The following ELMOD3 variants were observed in gnomAD, a reference collection of about 807,000 sequenced individuals.
ELMOD3 encodes ELMO domain containing 3, also known as ELMO domain-containing protein 3.
In ELMOD3, 36 loss-of-function variants were observed where a neutral mutation model predicts 47.4. That is an observed-to-expected ratio of 0.76 (90% CI 0.58 to 1.00). ELMOD3 has a LOEUF of 1.00. Ranked by LOEUF, ELMOD3 falls within the 50% of genes least tolerant of loss-of-function variation. The pLI, the probability that ELMOD3 is intolerant of heterozygous loss-of-function variation, is 0.00. For synonymous variants in ELMOD3, 149 were observed against 183.5 expected, an observed-to-expected ratio of 0.81 and a Z score of 1.52; for missense variants, 404 against 463.8, an observed-to-expected ratio of 0.87 and a Z score of 1.18.
chr2:85,387,034 A>G lies in ELMOD3; in HGVS notation c.739-2717A>G. On this transcript the variant is annotated intron_variant, in intron 11 of 13. Transcript: ENST00000409013. Reference sequence around the variant, plus strand: ...AGAATGTTCCTGAGAATGGATGAACACTAAGTTCAGGTCCTCTGTTAATAA... The same window carrying G: ...AGAATGTTCCTGAGAATGGATGAACGCTAAGTTCAGGTCCTCTGTTAATAA... The G allele has an allele frequency of 3.1e-6, 4 of 1,270,054 alleles. No homozygotes were observed. The South Asian group carries it at 5.3e-5, about 17-fold the overall frequency. The allele number at this position is 1,270,054 out of a possible 1,614,324, so 78.7% of individuals were successfully genotyped here.
chr2:85,366,219 C>T (rs537230140), intron 6 of ELMOD3, among the ~76,000 whole-genome samples: 49 of 151,698 alleles, frequency 3.2e-4, no homozygotes, highest in Non-Finnish European at 6.5e-4. Context: ...GATCCACCCA[C>T]CTCAGCGTCC....
intron 4 of ELMOD3, 82 bp from the exon 5 acceptor site, chr2:85,362,100 TAAAA>T: frequency 1.3e-6 from 1 of 768,806 alleles, no homozygotes; most frequent in South Asian, 1.7e-5. Context: ...ACTTAAAAGT[TAAAA>T]AAAAAAAAAG....
Position 85,362,173 on chromosome 2 carries a change from G to A in ELMOD3, c.55-13G>A. 2 of 1,498,702 alleles carry A rather than the reference G, an allele frequency of 1.3e-6. No homozygotes were observed. The highest frequency in any genetic ancestry group is 1.9e-6 in the Non-Finnish European group (2 of 1,074,798). The allele number at this position is 1,498,702 out of a possible 1,614,324, so 92.8% of individuals were successfully genotyped here. On this transcript the variant is annotated splice_polypyrimidine_tract_variant and intron_variant, in intron 4 of 13. Coordinates refer to ENST00000409013, the MANE Select transcript of ELMOD3 (RefSeq NM_001135022.2). ...ATATGTGCCTAGGAGATTGACCCTT[G>A]TCTGTTTTACAGGGTGAAAGATTGT...
In ELMOD3 at chr2:85,357,021, T is replaced by C. The variant is rs1404363068; in HGVS notation, c.-178T>C. 7.6e-6 allele frequency: 4 copies of C among 525,618 alleles called. No homozygotes were observed. In the Admixed American group the frequency reaches 1.1e-4, roughly 15 times the overall value. The allele number at this position is 525,618 out of a possible 1,614,324, so 32.6% of individuals were successfully genotyped here. On this transcript the variant is annotated 5_prime_UTR_variant, in exon 4 of 14. Transcript: ENST00000409013. ...TCTCTCAGCACTCACAGAAACCTCC[T>C]ACACCCTCGGATGGCACAAAGGGAC...
At chr2:85,362,312 T>A in intron 5 of ELMOD3, 52 bp downstream of exon 5, 1 of 1,107,404 alleles carries the variant, frequency 9.0e-7, no homozygotes, top group East Asian at 2.3e-5. Context: ...TGTTGTGTGT[T>A]ACTGTGTGGT....
intron 10 of ELMOD3, 136 bp downstream of exon 10, chr2:85,371,698 T>A (rs1684800426): frequency 1.5e-6 from 2 of 1,347,938 alleles, no homozygotes; most frequent in Non-Finnish European, 1.0e-6. Context: ...GTGCAGCAAA[T>A]GCAAAAGCCC....
In ELMOD3 at chr2:85,362,912, C is replaced by T. The variant is rs143887529; in HGVS notation, c.130-185C>T. ...CCGCCTGGGCAACAGAGTGAGACTC[C>T]GTCTCAAAAAATAAATAAATAAAAA... On this transcript the variant is annotated intron_variant, in intron 5 of 13. Coordinates refer to ENST00000409013, the MANE Select transcript of ELMOD3 (RefSeq NM_001135022.2). 0.038 allele frequency among the ~76,000 whole-genome samples: 5,850 copies of T among 152,130 alleles called. 152 individuals are homozygous for T. The highest frequency in any genetic ancestry group is 0.058 in the Non-Finnish European group (3,913 of 68,004).
intron 4 of ELMOD3, among the ~76,000 whole-genome samples, chr2:85,358,387 G>A (rs887510640): frequency 2.6e-5 from 4 of 152,118 alleles, no homozygotes; most frequent in Non-Finnish European, 5.9e-5. Flanking sequence ...ACTTAGAGGT[G>A]TGAGACAGCA....
intron 11 of ELMOD3, chr2:85,387,183 A>G (rs1021701206): frequency 1.6e-6 from 2 of 1,256,292 alleles, no homozygotes; most frequent in South Asian, 1.3e-5. Context: ...AGAGGTATAC[A>G]TGAAGGTCAG....
intron 2 of ELMOD3, 25 bp from the exon 3 acceptor site, chr2:85,355,530 G>T (rs1306049646): frequency 6.6e-6 from 1 of 152,184 alleles, no homozygotes; most frequent in Admixed American, 6.5e-5. Flanking sequence ...TAATGGAATT[G>T]TTGCTCTTTT....
chr2:85,373,896 G>GT (rs1276268206), intron 10 of ELMOD3, among the ~76,000 whole-genome samples: 4 of 136,666 alleles, frequency 2.9e-5, no homozygotes, highest in African/African-American at 1.1e-4. Context: ...TCTTTCCATT[G>GT]TTTGTTCTTC....
chr2:85,366,530 T>C (rs1260457311), intron 6 of ELMOD3, among the ~76,000 whole-genome samples: 2 of 152,192 alleles, frequency 1.3e-5, no homozygotes, highest in Non-Finnish European at 2.9e-5. Flanking sequence ...CCTATGTTGA[T>C]AATAATAGCT....
intron 11 of ELMOD3, among the ~76,000 whole-genome samples, chr2:85,382,211 G>T (rs1169124216): frequency 7.0e-6 from 1 of 143,004 alleles, no homozygotes; most frequent in Non-Finnish European, 1.5e-5. Flanking sequence ...AGGCCGAGGC[G>T]GGCAGATCAC....
intron 4 of ELMOD3, chr2:85,360,780 AT>A: frequency 3.9e-6 from 1 of 256,170 alleles, no homozygotes; most frequent in Non-Finnish European, 8.4e-6. Context: ...AGCCCTTTAC[AT>A]TTTTACATAA....
chr2:85,368,690 G>A lies in ELMOD3; in HGVS notation c.204G>A (p.Val68=). Residue 68 remains valine (V), a synonymous_variant, in exon 7 of 14, where the codon GTG becomes GTA. Coordinates refer to ENST00000409013, the MANE Select transcript of ELMOD3 (RefSeq NM_001135022.2). ...CCTTTTCTCCTACTATTGCAGTTGT[G>A]AGTACAGAGGTGGTCAGAGCCCAAG... ...TEAYEWEPRV[V]STEVVRAQEE... 6.2e-7 allele frequency: 1 copy of A among 1,614,044 alleles called. No homozygotes were observed. Among genetic ancestry groups the A allele is most frequent in the South Asian group, 1.1e-5 (1 of 91,072 alleles).
At position 85,363,080 on chromosome 2, in the gene ELMOD3, G is replaced by T. The variant is rs1355522349; in HGVS notation, c.130-17G>T. ...TGTGGATTCTATCCTCAAGCTAAAG[G>T]TCAGCTGCCTCTACAGATCTCAGAG... On this transcript the variant is annotated splice_polypyrimidine_tract_variant and intron_variant, in intron 5 of 13. Coordinates refer to ENST00000409013, the MANE Select transcript of ELMOD3 (RefSeq NM_001135022.2). 1 of 1,572,222 alleles carries T rather than the reference G, an allele frequency of 6.4e-7. No homozygotes were observed. The highest frequency in any genetic ancestry group is 1.7e-5 in the Admixed American group (1 of 59,852).
chr2:85,373,771 G>A (rs1684970019), intron 10 of ELMOD3, among the ~76,000 whole-genome samples: 1 of 149,214 alleles, frequency 6.7e-6, no homozygotes, highest in South Asian at 2.1e-4. Flanking sequence ...CCCAGGACGT[G>A]GAGGTTGCAG....
intron 11 of ELMOD3, among the ~76,000 whole-genome samples, chr2:85,388,114 G>A (rs1043322240): frequency 6.6e-5 from 10 of 151,690 alleles, no homozygotes; most frequent in Non-Finnish European, 1.5e-4. Flanking sequence ...GAAAGCTGGT[G>A]TTCTGCATAA....
chr2:85,375,644 A>G (rs566823554), intron 10 of ELMOD3, among the ~76,000 whole-genome samples: 46 of 152,210 alleles, frequency 3.0e-4, no homozygotes, highest in Non-Finnish European at 6.0e-4. Flanking sequence ...GGTAGATCCT[A>G]TAGTCACTTT....
Sources: allele counts gnomAD v4.1 joint callset (sites outside exome capture counted in the v4.1 genomes callset), GRCh38; gene constraint gnomAD v4.1.1; transcripts MANE v1.5; gene names NCBI Gene and HGNC (gene_info 2026-07-23, HGNC 2026-07-21).